The following IL1RAPL1 variants were observed in gnomAD, a reference collection of about 807,000 sequenced individuals.
IL1RAPL1 encodes interleukin-1 receptor accessory protein-like 1.
IL1RAPL1 carries 3 observed loss-of-function variants against 48.4 expected under a neutral mutation model. The ratio of observed to expected loss-of-function variants is 0.06; its 90% CI spans 0.03 to 0.16. The LOEUF (loss-of-function observed/expected upper bound fraction) is 0.16, where lower values mean the gene tolerates loss of function less well. Among genes scored for constraint, IL1RAPL1 ranks in the 10% least tolerant of loss-of-function variants. The pLI is 1.00. For missense variants in IL1RAPL1, 349 were observed against 530.6 expected (o/e 0.66, Z 3.36); for synonymous variants, 185 against 187.7 (o/e 0.99, Z 0.12).
intron 3 of IL1RAPL1, among the ~76,000 whole-genome samples, chrX:29,368,368 T>C (rs922608533): frequency 5.4e-5 from 6 of 111,557 alleles, no homozygotes; most frequent in Non-Finnish European, 1.1e-4. Context: ...TGTGTGTATG[T>C]GTTTCTGTTT....
intron 2 of IL1RAPL1, among the ~76,000 whole-genome samples, chrX:29,263,533 G>A (rs1458061567): frequency 8.9e-6 from 1 of 112,069 alleles, no homozygotes. Flanking sequence ...CTCTGACTGT[G>A]CTTAAGTATA....
At chrX:29,582,614 A>G (rs1233195877) in intron 5 of IL1RAPL1, among the ~76,000 whole-genome samples, 4 of 70,717 alleles carry the variant, frequency 5.7e-5, no homozygotes, top group Non-Finnish European at 1.0e-4. Context: ...TCATTGTTCA[A>G]TTCCCACCTA....
rs545249140 is a variant in IL1RAPL1 at position 29,136,213 on chromosome X, C to T, written c.83-146725C>T. 4.2e-4 allele frequency among the ~76,000 whole-genome samples: 45 copies of T among 107,703 alleles called. 2 individuals are homozygous for T. In the South Asian group the frequency reaches 0.013, roughly 32 times the overall value. 93.5% of individuals were successfully genotyped at this position (107,703 alleles called of 115,157 possible). On this transcript the variant is annotated intron_variant, in intron 2 of 10. Coordinates refer to ENST00000378993, the MANE Select transcript of IL1RAPL1 (RefSeq NM_014271.4). ...CACAATCTTGGCTCACCACAACCTC[C>T]GCCTCCCAGGTTCAAGTGATTCTCC...
intron 6 of IL1RAPL1, among the ~76,000 whole-genome samples, chrX:29,896,214 T>A (rs781375629): frequency 8.9e-6 from 1 of 112,087 alleles, no homozygotes; most frequent in African/African-American, 3.2e-5. Flanking sequence ...GATTGGGAGA[T>A]AAAGTCAGAA....
intron 3 of IL1RAPL1, among the ~76,000 whole-genome samples, chrX:29,373,688 T>C (rs187871528): frequency 9.1e-6 from 1 of 110,179 alleles, no homozygotes; most frequent in Non-Finnish European, 1.9e-5. Context: ...GGTGATCATA[T>C]GGTTTTTGTT....
At chrX:29,908,721 G>A (rs1601877927) in intron 6 of IL1RAPL1, among the ~76,000 whole-genome samples, 2 of 112,053 alleles carry the variant, frequency 1.8e-5, no homozygotes, top group Admixed American at 9.5e-5. Flanking sequence ...TTGCTAGTAA[G>A]TGATTACAAT....
chrX:29,456,128 A>G (rs1306393308), intron 5 of IL1RAPL1, among the ~76,000 whole-genome samples: 3 of 112,268 alleles, frequency 2.7e-5, no homozygotes, highest in African/African-American at 9.7e-5. Context: ...ATAGAAAAAA[A>G]TGTTTTCTCA....
chrX:28,810,872 A>G lies in IL1RAPL1; in HGVS notation c.82+21447A>G, dbSNP rs1601913233. Reference sequence around the variant, plus strand: ...TGTGTTAATTATTCCTGCCACCTGCATCTAATGAAATTAGATGTGAAATTT... The same window carrying G: ...TGTGTTAATTATTCCTGCCACCTGCGTCTAATGAAATTAGATGTGAAATTT... On this transcript the variant is annotated intron_variant, in intron 2 of 10. Coordinates refer to ENST00000378993, the MANE Select transcript of IL1RAPL1 (RefSeq NM_014271.4). 3.6e-5 allele frequency among the ~76,000 whole-genome samples: 4 copies of G among 110,455 alleles called. No homozygotes were observed. The South Asian group carries it at 1.5e-3, about 42-fold the overall frequency.
chrX:29,451,116 T>TAAA (rs1432985326), intron 5 of IL1RAPL1, among the ~76,000 whole-genome samples: 1 of 102,743 alleles, frequency 9.7e-6, no homozygotes, highest in Admixed American at 1.0e-4. Context: ...TACCTAATAT[T>TAAA]AAAAAAAAAA....
intron 3 of IL1RAPL1, among the ~76,000 whole-genome samples, chrX:29,301,313 G>T (rs1407884909): frequency 1.8e-5 from 2 of 111,831 alleles, no homozygotes; most frequent in East Asian, 5.6e-4. Context: ...CAATATATTT[G>T]TTGCCATTAC....
At chrX:28,621,578 T>G (rs1459499852) in intron 1 of IL1RAPL1, among the ~76,000 whole-genome samples, 1 of 111,919 alleles carries the variant, frequency 8.9e-6, no homozygotes, top group Admixed American at 9.5e-5. Context: ...AAAGTACAAA[T>G]TCTATGGCAA....
chrX:29,752,495 CA>C (rs10682605), intron 6 of IL1RAPL1, among the ~76,000 whole-genome samples: 195 of 52,751 alleles, frequency 3.7e-3, no homozygotes, highest in East Asian at 0.011. Context: ...GACTTTGTCT[CA>C]AAAAAAAAAA....
intron 5 of IL1RAPL1, among the ~76,000 whole-genome samples, chrX:29,407,028 G>T (rs1433428951): frequency 8.9e-6 from 1 of 111,917 alleles, no homozygotes. Flanking sequence ...CCTCTCTTTA[G>T]TGAGAGATTT....
chrX:29,037,940 A>G (rs943294069), intron 2 of IL1RAPL1, among the ~76,000 whole-genome samples: 1 of 111,575 alleles, frequency 9.0e-6, no homozygotes, highest in African/African-American at 3.3e-5. Context: ...TATCTCAGAC[A>G]GTTGGCCTCC....
At chrX:29,928,505 C>A (rs1318310454) in intron 8 of IL1RAPL1, among the ~76,000 whole-genome samples, 2 of 111,987 alleles carry the variant, frequency 1.8e-5, no homozygotes, top group Non-Finnish European at 3.8e-5. Context: ...TCACTGCAGG[C>A]TGCTTAAAAG....
At chrX:29,722,175 C>T (rs190849710) in intron 6 of IL1RAPL1, among the ~76,000 whole-genome samples, 37 of 111,641 alleles carry the variant, frequency 3.3e-4, no homozygotes, top group African/African-American at 1.0e-3. Context: ...ACATAGTTAC[C>T]TTTTTTGTGG....
chrX:28,871,231 C>T lies in IL1RAPL1; in HGVS notation c.82+81806C>T, dbSNP rs759916527. ...GTAAAAGGAATATAAACAATAATTC[C>T]GAGTGGGAGAGAAATAAATTATTTT... On this transcript the variant is annotated intron_variant, in intron 2 of 10. Coordinates refer to ENST00000378993, the MANE Select transcript of IL1RAPL1 (RefSeq NM_014271.4). Among the ~76,000 whole-genome samples the T allele has an allele frequency of 7.2e-5, 8 of 111,307 alleles. No homozygotes were observed. The South Asian group carries it at 1.1e-3, about 16-fold the overall frequency.
rs757864825 is a variant in IL1RAPL1, at chrX:29,101,132, G to A, written c.83-181806G>A. Among the ~76,000 whole-genome samples the A allele has an allele frequency of 2.3e-4, 26 of 111,334 alleles. No homozygotes were observed. In the South Asian group the frequency reaches 9.8e-3, roughly 42 times the overall value. On this transcript the variant is annotated intron_variant, in intron 2 of 10. Transcript: ENST00000378993. Reference sequence around the variant, plus strand: ...GCCAGACTAACTAAGAAAAAGAGGGGAAACCCAAATAAATAAAATAAGAGA... The same window carrying A: ...GCCAGACTAACTAAGAAAAAGAGGGAAAACCCAAATAAATAAAATAAGAGA...
chrX:29,945,401 C>T (rs1452679107), intron 9 of IL1RAPL1, among the ~76,000 whole-genome samples: 1 of 112,519 alleles, frequency 8.9e-6, no homozygotes, highest in African/African-American at 3.2e-5. Context: ...AGAGTCAAAC[C>T]TGAGTATTGC....
Sources: allele counts gnomAD v4.1 joint callset (sites outside exome capture counted in the v4.1 genomes callset), GRCh38; gene constraint gnomAD v4.1.1; transcripts MANE v1.5; gene names NCBI Gene and HGNC (gene_info 2026-07-23, HGNC 2026-07-21).